QTMAN: variants seen among roughly 807,000 people sequenced by gnomAD.
QTMAN encodes tRNA-queuosine alpha-mannosyltransferase.
chr2:144,198,139 A>G, the QTMAN span, among the ~76,000 whole-genome samples: 4 of 152,030 alleles, frequency 2.6e-5, no homozygotes, highest in Non-Finnish European at 5.9e-5. Context: ...AGGTGGGAGG[A>G]TCATTTGAGC....
At chr2:144,215,297 CAT>C in the QTMAN span, among the ~76,000 whole-genome samples, 42 of 146,044 alleles carry the variant, frequency 2.9e-4, no homozygotes, top group East Asian at 7.9e-4. Flanking sequence ...CACACACACA[CAT>C]ATATATATAT....
At chr2:144,221,169 T>C in the QTMAN span, among the ~76,000 whole-genome samples, 1 of 152,198 alleles carries the variant, frequency 6.6e-6, no homozygotes, top group Non-Finnish European at 1.5e-5. Flanking sequence ...GACTAATACA[T>C]ATGGTTAGCT....
At chr2:144,316,016 T>A in the QTMAN span, among the ~76,000 whole-genome samples, 1 of 152,206 alleles carries the variant, frequency 6.6e-6, no homozygotes, top group South Asian at 2.1e-4. Context: ...AACACCCTAC[T>A]GCACAGTTGC....
chr2:143,948,485 A>T, the QTMAN span, among the ~76,000 whole-genome samples: 1 of 152,114 alleles, frequency 6.6e-6, no homozygotes, highest in Non-Finnish European at 1.5e-5. Context: ...ATAAAACTAA[A>T]TGAAAAATAG....
chr2:144,089,457 G>GT, the QTMAN span, among the ~76,000 whole-genome samples: 1 of 151,936 alleles, frequency 6.6e-6, no homozygotes, highest in East Asian at 1.9e-4. Context: ...TCTACCTAGA[G>GT]TAAAAACTCA....
the QTMAN span, among the ~76,000 whole-genome samples, chr2:144,111,490 T>C: frequency 5.3e-5 from 8 of 152,200 alleles, no homozygotes; most frequent in African/African-American, 1.9e-4. Flanking sequence ...ACCCCTTTCC[T>C]AGGACTGAAT....
At chr2:144,038,137 C>T in the QTMAN span, among the ~76,000 whole-genome samples, 18 of 152,298 alleles carry the variant, frequency 1.2e-4, no homozygotes, top group Non-Finnish European at 2.4e-4. Flanking sequence ...TTTTCCTTAA[C>T]TCCACTTGCC....
the QTMAN span, among the ~76,000 whole-genome samples, chr2:144,301,053 T>C: frequency 1.3e-5 from 2 of 152,184 alleles, no homozygotes; most frequent in African/African-American, 2.4e-5. Context: ...TGGGTTTTTT[T>C]CCTAGCCAAT....
chr2:144,155,275 T>C, the QTMAN span, among the ~76,000 whole-genome samples: 1 of 152,144 alleles, frequency 6.6e-6, no homozygotes, highest in African/African-American at 2.4e-5. Flanking sequence ...GGTACAAAGA[T>C]CAGCAATGTA....
At chr2:144,277,231 A>C in the QTMAN span, among the ~76,000 whole-genome samples, 2 of 152,164 alleles carry the variant, frequency 1.3e-5, no homozygotes, top group Admixed American at 6.5e-5. Context: ...TGGCTACTAG[A>C]AAATTTAAAA....
the QTMAN span, among the ~76,000 whole-genome samples, chr2:144,176,710 A>C: frequency 6.6e-6 from 1 of 152,202 alleles, no homozygotes; most frequent in Non-Finnish European, 1.5e-5. Context: ...TACATAAATA[A>C]ATTTTTAAAA....
chr2:143,991,075 A>G, the QTMAN span, among the ~76,000 whole-genome samples: 2 of 152,154 alleles, frequency 1.3e-5, no homozygotes, highest in African/African-American at 4.8e-5. Context: ...TCCAGAATAT[A>G]TTATAAAAAG....
chr2:144,287,094 G>A, the QTMAN span, among the ~76,000 whole-genome samples: 1 of 152,158 alleles, frequency 6.6e-6, no homozygotes, highest in Non-Finnish European at 1.5e-5. Context: ...GGTGGTAGTG[G>A]CCAATGTCAT....
chr2:144,167,104 G>A, the QTMAN span, among the ~76,000 whole-genome samples: 1 of 152,122 alleles, frequency 6.6e-6, no homozygotes, highest in East Asian at 1.9e-4. Context: ...ATTCAATTCA[G>A]TATGCTCTCA....
the QTMAN span, among the ~76,000 whole-genome samples, chr2:144,193,775 C>T: frequency 3.0e-4 from 45 of 152,200 alleles, no homozygotes; most frequent in Admixed American, 9.8e-4. Context: ...AATCCTTCTG[C>T]CTCAGCCTCC....
At chr2:144,104,583 C>A in the QTMAN span, among the ~76,000 whole-genome samples, 1 of 152,140 alleles carries the variant, frequency 6.6e-6, no homozygotes, top group African/African-American at 2.4e-5. Flanking sequence ...ATTGCTGAGG[C>A]TTGACAAGGT....
At chr2:144,156,662 TA>T in the QTMAN span, among the ~76,000 whole-genome samples, 14 of 152,112 alleles carry the variant, frequency 9.2e-5, no homozygotes, top group Non-Finnish European at 1.9e-4. Flanking sequence ...TGTACACAGC[TA>T]AATTTAACAA....
the QTMAN span, among the ~76,000 whole-genome samples, chr2:144,124,435 C>T: frequency 5.1e-4 from 78 of 152,172 alleles, no homozygotes; most frequent in African/African-American, 1.8e-3. Flanking sequence ...TTTACAGTAC[C>T]TCGCTTATAA....
At chr2:143,995,120 A>G in the QTMAN span, among the ~76,000 whole-genome samples, 1 of 152,166 alleles carries the variant, frequency 6.6e-6, no homozygotes, top group African/African-American at 2.4e-5. Flanking sequence ...ATCCAGGTTT[A>G]GTAATACTCT....
Sources: gnomAD v4.1 joint callset for allele counts (sites outside exome capture counted in the v4.1 genomes callset) on GRCh38, gnomAD v4.1.1 for gene constraint, MANE v1.5 for transcripts, NCBI Gene and HGNC (gene_info 2026-07-23, HGNC 2026-07-21) for gene names.